Variants in RFX2 observed in about 807,000 individuals in gnomAD.
RFX2 encodes the protein DNA-binding protein RFX2.
In RFX2, 20 loss-of-function variants were observed where a neutral mutation model predicts 87.8. The observed-to-expected ratio is 0.23, with a 90% CI of 0.16 to 0.33. The LOEUF (loss-of-function observed/expected upper bound fraction) is 0.33, where lower values mean the gene tolerates loss of function less well. RFX2 is among the 10% of genes least tolerant of loss of function. RFX2 has a pLI of 1.00. For synonymous variants in RFX2, 397 were observed against 431.3 expected (o/e 0.92, Z 0.98); for missense variants, 767 against 1,012.3 (o/e 0.76, Z 3.29).
chr19:6,034,872 TCTTGTTTAA>T (rs2087000564), intron 5 of RFX2, among the ~76,000 whole-genome samples: 1 of 152,192 alleles, frequency 6.6e-6, no homozygotes, highest in Non-Finnish European at 1.5e-5. Flanking sequence ...TCAGATAGAC[TCTTGTTTAA>T]TTTACCGAAA....
At chr19:6,046,002 T>TA (rs1224934547) in intron 2 of RFX2, among the ~76,000 whole-genome samples, 1 of 152,174 alleles carries the variant, frequency 6.6e-6, no homozygotes, top group Non-Finnish European at 1.5e-5. Context: ...TTGTGTGTTT[T>TA]AAAACCATAA....
In RFX2 at chr19:6,013,144, A is replaced by C. The variant is rs371868562; in HGVS notation, c.780-39T>G. 1.2e-4 allele frequency: 190 copies of C among 1,547,806 alleles called. No individual in the cohort carries two copies. Among genetic ancestry groups the C allele is most frequent in the Middle Eastern group, 1.7e-4 (1 of 5,834 alleles). On this transcript the variant is annotated intron_variant, in intron 7 of 17. Coordinates refer to ENST00000303657, the MANE Select transcript of RFX2 (RefSeq NM_000635.4). The surrounding 1 kb of genome is among the most constrained non-coding windows in gnomAD (Gnocchi z 4.1). Reference sequence around the variant, plus strand: ...ATCCCAGGGTCAGCTCCCTTTGCAGATGTCCTGAACAACAAGACAGGTTGG... The same window carrying C: ...ATCCCAGGGTCAGCTCCCTTTGCAGCTGTCCTGAACAACAAGACAGGTTGG...
chr19:6,017,680 G>A lies in RFX2; in HGVS notation c.598-1409C>T, dbSNP rs745615786. ...GGCTGAGCCCCGCTTCCAGAGCTCC[G>A]AAGGGCTCCTGCTGCCTGGGCCCTT... On this transcript the variant is annotated intron_variant, in intron 6 of 17. Transcript: ENST00000303657. The surrounding 1 kb of genome is among the most constrained non-coding windows in gnomAD (Gnocchi z 4.1). Among the ~76,000 whole-genome samples the A allele has an allele frequency of 4.6e-5, 7 of 152,218 alleles. No homozygotes were observed. The highest frequency in any genetic ancestry group is 3.9e-4 in the Admixed American group (6 of 15,296).
At chr19:6,015,971 C>T in intron 7 of RFX2, 119 bp downstream of exon 7, 1 of 958,048 alleles carries the variant, frequency 1.0e-6, no homozygotes, top group East Asian at 2.7e-5. Flanking sequence ...GCAAGCACTC[C>T]AGAGGTGGCT....
At chr19:6,008,675 A>ATT (rs1284518775) in intron 9 of RFX2, among the ~76,000 whole-genome samples, 17 of 79,268 alleles carry the variant, frequency 2.1e-4, no homozygotes, top group East Asian at 3.6e-4. Context: ...ATGCCCGGCC[A>ATT]TTTTTTTTTT....
intron 9 of RFX2, 99 bp from the exon 10 acceptor site, chr19:6,008,323 C>T: frequency 1.7e-6 from 1 of 586,358 alleles, no homozygotes; most frequent in Admixed American, 3.3e-5. Flanking sequence ...AACAGATGTT[C>T]TGCCCCACCC....
chr19:6,017,222 C>G lies in RFX2; in HGVS notation c.598-951G>C, dbSNP rs2086739073. Among the ~76,000 whole-genome samples, 1 of 152,200 alleles carries G rather than the reference C, an allele frequency of 6.6e-6. No homozygotes were observed. The highest frequency in any genetic ancestry group is 1.5e-5 in the Non-Finnish European group (1 of 68,032). ...CTCCAGCCTGGGCGACAGGGCAAGA[C>G]TTCGTCTCTTTCAAAAAACGAAACA... On this transcript the variant is annotated intron_variant, in intron 6 of 17. Coordinates refer to ENST00000303657, the MANE Select transcript of RFX2 (RefSeq NM_000635.4). This position sits in a 1 kb window ranked among gnomAD's most constrained non-coding sequence, Gnocchi z 4.1.
intron 17 of RFX2, 94 bp downstream of exon 17, chr19:5,995,507 C>G: frequency 2.3e-6 from 3 of 1,283,140 alleles, no homozygotes; most frequent in Non-Finnish European, 3.3e-6. Context: ...GCCCGCATTT[C>G]CACCTGTTCA....
At position 6,039,836 on chromosome 19, in the gene RFX2, C is replaced by T; in HGVS notation, c.522+144G>A. On this transcript the variant is annotated intron_variant, in intron 5 of 17. Transcript: ENST00000303657. This position sits in a 1 kb window ranked among gnomAD's most constrained non-coding sequence, Gnocchi z 5.2. ...GTTGCGTGGCCCGTCTGAGGCTGGC[C>T]CGACTCCATCGTGGGGCCGCCTGGG... 1 of 985,360 alleles carries T rather than the reference C, an allele frequency of 1.0e-6. No homozygotes were observed. Among genetic ancestry groups the T allele is most frequent in the Non-Finnish European group, 1.4e-6 (1 of 696,494 alleles). The allele number at this position is 985,360 out of a possible 1,614,324, so 61.0% of individuals were successfully genotyped here. A position where few individuals can be genotyped will look rare whatever the true frequency, so the allele number is the denominator to read the frequency against.
Position 6,007,030 on chromosome 19 carries a change from C to T in RFX2, c.1384G>A (p.Val462Met). 1.9e-6 allele frequency: 3 copies of T among 1,614,084 alleles called. No individual in the cohort carries two copies. The highest frequency in any genetic ancestry group is 2.5e-6 in the Non-Finnish European group (3 of 1,179,996). Reference protein sequence around the residue: ...QALVEILIPDVLRPVPSTLTQ... With the variant: ...QALVEILIPDMLRPVPSTLTQ... ...CACTTACTGGGGACCGGCCTCAGCA[C>T]GTCGGGGATGAGAATCTCCACCAGC... The change falls in exon 12 of 18, where the codon GTG (valine) becomes ATG (methionine). Residue 462 changes from valine (V) to methionine (M), a missense_variant. Val to Met is a conservative substitution (Grantham distance 21). Transcript: ENST00000303657. This position sits in a 1 kb window ranked among gnomAD's most constrained non-coding sequence, Gnocchi z 8.2.
intron 5 of RFX2, among the ~76,000 whole-genome samples, chr19:6,034,353 C>A (rs192343960): frequency 6.6e-6 from 1 of 152,054 alleles, no homozygotes; most frequent in African/African-American, 2.4e-5. Context: ...CTCAGCCTCC[C>A]GATGAGCTGG....
In RFX2 at chr19:6,044,263, G is replaced by A. The variant is rs2087154821; in HGVS notation, c.110C>T (p.Ala37Val). ...CTGGGCCCCTTTGGGATTGGAGCTG[G>A]CTGCCTGGACCAACACCCTCTAAAA... ...ASPQRVLVQAASSNPKGAQMQ... is the reference protein window; with the variant it reads ...ASPQRVLVQAVSSNPKGAQMQ... The change falls in exon 3 of 18, where the codon GCC becomes GTC. Residue 37 changes from alanine (A) to valine (V), a missense_variant. Ala to Val is a moderately conservative substitution (Grantham distance 64, BLOSUM62 0). Transcript: ENST00000303657. The surrounding 1 kb of genome is among the most constrained non-coding windows in gnomAD (Gnocchi z 5.3). The A allele has an allele frequency of 6.4e-7, 1 of 1,567,018 alleles. No homozygotes were observed. The highest frequency in any genetic ancestry group is 1.9e-5 in the Admixed American group (1 of 52,912).
At position 6,007,133 on chromosome 19, in the gene RFX2, C is replaced by T. The variant is rs1274043965; in HGVS notation, c.1281G>A (p.Lys427=). Residue 427 remains lysine (K), a synonymous_variant, in exon 12 of 18, where the codon AAG becomes AAA. Coordinates refer to ENST00000303657, the MANE Select transcript of RFX2 (RefSeq NM_000635.4). The surrounding 1 kb of genome is among the most constrained non-coding windows in gnomAD (Gnocchi z 8.2). Reference sequence around the variant, plus strand: ...ACTGACACAGGGAGATAAGCTTGTCCTTGGGCAGGACGGCGCCCTCGGGGT... The same window carrying T: ...ACTGACACAGGGAGATAAGCTTGTCTTTGGGCAGGACGGCGCCCTCGGGGT... ...DEDPEGAVLP[K]DKLISLCQCD... is the part of the protein sequence containing the mutation. 1.2e-6 allele frequency: 2 copies of T among 1,614,126 alleles called. No homozygotes were observed. Among genetic ancestry groups the T allele is most frequent in the South Asian group, 2.2e-5 (2 of 91,086 alleles).
intron 13 of RFX2, among the ~76,000 whole-genome samples, chr19:6,003,368 A>G (rs1015030032): frequency 8.5e-5 from 13 of 152,098 alleles, no homozygotes; most frequent in African/African-American, 3.1e-4. Context: ...CCGGCCCTGA[A>G]TGTGACTTTT....
Position 6,001,904 on chromosome 19 carries a change from A to G in RFX2, c.1770T>C (p.Ser590=), listed in dbSNP as rs2144671173. 1.9e-6 allele frequency: 3 copies of G among 1,613,196 alleles called. No individual in the cohort carries two copies. In the Middle Eastern group the frequency reaches 5.0e-4, roughly 266 times the overall value. The change falls in exon 15 of 18, where the codon AGT becomes AGC. Residue 590 remains serine, a synonymous_variant. Transcript: ENST00000303657. This position sits in a 1 kb window ranked among gnomAD's most constrained non-coding sequence, Gnocchi z 5.6. ...GCTGCTTCAGGACCTGGGTGACCAC[A>G]CTGTCCAGCCAGCTGGCCCACTGGT... The part of the protein sequence containing the change: ...SLDQWASWLD[S]VVTQVLKQHA...
chr19:6,006,507 T>A (rs1012668196), intron 12 of RFX2, among the ~76,000 whole-genome samples: 15 of 141,962 alleles, frequency 1.1e-4, no homozygotes, highest in African/African-American at 4.1e-4. Context: ...CTGAGTGCAG[T>A]GGTGTGATCT....
chr19:6,022,546 C>T lies in RFX2; in HGVS notation c.597+3617G>A, dbSNP rs2144726349. Among the ~76,000 whole-genome samples, 1 of 152,328 alleles carries T rather than the reference C, an allele frequency of 6.6e-6. No individual in the cohort carries two copies. The highest frequency in any genetic ancestry group is 3.4e-3 in the Middle Eastern group (1 of 294). On this transcript the variant is annotated intron_variant, in intron 6 of 17. Coordinates refer to ENST00000303657, the MANE Select transcript of RFX2 (RefSeq NM_000635.4). The surrounding 1 kb of genome is among the most constrained non-coding windows in gnomAD (Gnocchi z 6.2). ...TAGCCTGAGGGCAGCCCGGTGGCCC[C>T]CAGGGGCTGAGGCCGCCTCTTCTGC...
In RFX2 at chr19:6,013,740, C is replaced by T. The variant is rs1164034277; in HGVS notation, c.780-635G>A. Among the ~76,000 whole-genome samples, 2 of 152,182 alleles carry T rather than the reference C, an allele frequency of 1.3e-5. No homozygotes were observed. The highest frequency in any genetic ancestry group is 1.9e-4 in the East Asian group (1 of 5,198). On this transcript the variant is annotated intron_variant, in intron 7 of 17. Coordinates refer to ENST00000303657, the MANE Select transcript of RFX2 (RefSeq NM_000635.4). The surrounding 1 kb of genome is among the most constrained non-coding windows in gnomAD (Gnocchi z 4.1). ...AGTAGCTGACGTGTGCCACCACACT[C>T]GGATCTTGACCTTTCACTTTGGCCT...
At chr19:6,009,671 T>A (rs1369462776) in intron 9 of RFX2, among the ~76,000 whole-genome samples, 1 of 152,134 alleles carries the variant, frequency 6.6e-6, no homozygotes, top group African/African-American at 2.4e-5. Flanking sequence ...AGCCTCGAAC[T>A]TCTGGGCTCA....
Sources: allele counts gnomAD v4.1 joint callset (sites outside exome capture counted in the v4.1 genomes callset), GRCh38; gene constraint gnomAD v4.1.1; non-coding constraint Gnocchi (gnomAD v3.1); transcripts MANE v1.5; gene names NCBI Gene and HGNC (gene_info 2026-07-23, HGNC 2026-07-21).